The following PTPRM variants were observed in gnomAD, a reference collection of about 807,000 sequenced individuals.
The protein encoded by PTPRM is receptor-type tyrosine-protein phosphatase mu.
PTPRM carries 47 observed loss-of-function variants against 186.7 expected under a neutral mutation model. The observed-to-expected ratio is 0.25, with a 90% confidence interval of 0.20 to 0.32. The LOEUF (loss-of-function observed/expected upper bound fraction) is 0.32. Among genes scored for constraint, PTPRM ranks in the 10% least tolerant of loss-of-function variants. The probability of loss-of-function intolerance (pLI) is 1.00; values close to 1 mark genes in which losing one functional copy is unlikely to be tolerated. For missense variants in PTPRM, 1,494 were observed against 1,865.0 expected, an observed-to-expected ratio of 0.80 and a Z score of 3.66; for synonymous variants, 668 against 674.9, an observed-to-expected ratio of 0.99 and a Z score of 0.16.
At chr18:8,306,519 G>A (rs776179198) in intron 20 of PTPRM, among the ~76,000 whole-genome samples, 9 of 152,192 alleles carry the variant, frequency 5.9e-5, no homozygotes, top group Non-Finnish European at 1.3e-4. Flanking sequence ...TACAGCTCAG[G>A]TCTTCTCAAA....
chr18:7,757,699 G>A (rs944596027), intron 1 of PTPRM, among the ~76,000 whole-genome samples: 3 of 152,184 alleles, frequency 2.0e-5, no homozygotes, highest in Non-Finnish European at 2.9e-5. Context: ...ATAGAGAAGG[G>A]TGCTAGTACA....
chr18:8,233,378 G>T (rs2094309801), intron 14 of PTPRM, among the ~76,000 whole-genome samples: 1 of 152,196 alleles, frequency 6.6e-6, no homozygotes, highest in Non-Finnish European at 1.5e-5. Flanking sequence ...ATGTGTGGTG[G>T]TATCTTGTTG....
intron 19 of PTPRM, among the ~76,000 whole-genome samples, chr18:8,277,834 T>A (rs2094853693): frequency 6.6e-6 from 1 of 152,214 alleles, no homozygotes; most frequent in Non-Finnish European, 1.5e-5. Context: ...TATTTTCTGT[T>A]AACTAACGCA....
rs924336753 is a variant in PTPRM at position 7,757,304 on chromosome 18, G to C, written c.74-16845G>C. Among the ~76,000 whole-genome samples, 2 of 152,180 alleles carry C rather than the reference G, an allele frequency of 1.3e-5. 1 individual carries two copies. Among genetic ancestry groups the C allele is most frequent in the Non-Finnish European group, 2.9e-5 (2 of 68,048 alleles). On this transcript the variant is annotated intron_variant, in intron 1 of 32. Transcript: ENST00000580170. Reference sequence around the variant, plus strand: ...AACTCAAGGGTCAGGATTCTGTGTTGGGCATCTCTTACTGTGCTAAGAGTG... The same window carrying C: ...AACTCAAGGGTCAGGATTCTGTGTTCGGCATCTCTTACTGTGCTAAGAGTG...
chr18:7,774,329 T>G, intron 2 of PTPRM, 58 bp downstream of exon 2: 1 of 1,579,872 alleles, frequency 6.3e-7, no homozygotes, highest in Non-Finnish European at 8.7e-7. Context: ...TCAATCATAC[T>G]ATGTGTTCAC....
At chr18:8,023,074 C>G (rs2085330939) in intron 7 of PTPRM, among the ~76,000 whole-genome samples, 1 of 150,794 alleles carries the variant, frequency 6.6e-6, no homozygotes, top group Non-Finnish European at 1.5e-5. Context: ...AAGGTTAGCC[C>G]TCTAATATAG....
chr18:7,942,282 C>CAAA (rs201157673), intron 5 of PTPRM, among the ~76,000 whole-genome samples: 2 of 94,260 alleles, frequency 2.1e-5, no homozygotes, highest in Admixed American at 1.2e-4. Flanking sequence ...GACTCCGTCT[C>CAAA]AAAAAAAAAA....
chr18:7,948,437 A>C (rs960312223), intron 5 of PTPRM, among the ~76,000 whole-genome samples: 2 of 152,210 alleles, frequency 1.3e-5, no homozygotes, highest in African/African-American at 4.8e-5. Context: ...TTGGAAGCAT[A>C]GAATGGATTT....
At chr18:8,216,641 C>G (rs147974131) in intron 14 of PTPRM, among the ~76,000 whole-genome samples, 3 of 152,126 alleles carry the variant, frequency 2.0e-5, no homozygotes, top group African/African-American at 7.2e-5. Context: ...TTACCCCTTT[C>G]AAAAATTTTG....
chr18:7,959,820 A>G (rs1189349760), intron 7 of PTPRM, among the ~76,000 whole-genome samples: 2 of 152,222 alleles, frequency 1.3e-5, no homozygotes, highest in Non-Finnish European at 2.9e-5. Flanking sequence ...GGGTTATTGT[A>G]AAAAGTGATT....
At chr18:7,583,530 A>G (rs1395367009) in intron 1 of PTPRM, among the ~76,000 whole-genome samples, 1 of 152,216 alleles carries the variant, frequency 6.6e-6, no homozygotes, top group Non-Finnish European at 1.5e-5. Flanking sequence ...TCTCATTTTG[A>G]TGTTAAAACA....
rs563774880 is a variant in PTPRM at position 8,252,111 on chromosome 18, T to C, written c.2555-377T>C. Among the ~76,000 whole-genome samples, 10 of 152,362 alleles carry C rather than the reference T, an allele frequency of 6.6e-5. No homozygotes were observed. The South Asian group carries it at 2.1e-3, about 32-fold the overall frequency. On this transcript the variant is annotated intron_variant, in intron 17 of 32. Coordinates refer to ENST00000580170, the MANE Select transcript of PTPRM (RefSeq NM_001105244.2). ...TAGGCCTCCATTAAAATAGAGCCTC[T>C]TTAGGCTTCTTTGACCAAATTTTGA...
At chr18:8,240,592 C>A (rs1425399463) in intron 14 of PTPRM, among the ~76,000 whole-genome samples, 1 of 102,800 alleles carries the variant, frequency 9.7e-6, no homozygotes, top group Admixed American at 1.4e-4. Flanking sequence ...TTGTGGCAAC[C>A]TGCATGGAGA....
At chr18:8,311,201 C>G (rs2095265575) in intron 20 of PTPRM, among the ~76,000 whole-genome samples, 1 of 151,692 alleles carries the variant, frequency 6.6e-6, no homozygotes. Context: ...CCCAGCTACT[C>G]AGGAGGCTGA....
intron 4 of PTPRM, among the ~76,000 whole-genome samples, chr18:7,908,051 C>T (rs111627422): frequency 0.015 from 2,317 of 152,190 alleles, 60 homozygotes; most frequent in African/African-American, 0.053. Context: ...ATGGATGTGC[C>T]TACTGGTGCA....
chr18:7,638,124 TCA>T (rs1414424818), intron 1 of PTPRM, among the ~76,000 whole-genome samples: 1 of 152,162 alleles, frequency 6.6e-6, no homozygotes, highest in Non-Finnish European at 1.5e-5. Flanking sequence ...AGTTGAAGTC[TCA>T]CAGAGTATAT....
chr18:8,260,883 G>C (rs1042843604), intron 19 of PTPRM, among the ~76,000 whole-genome samples: 1 of 152,216 alleles, frequency 6.6e-6, no homozygotes, highest in Non-Finnish European at 1.5e-5. Context: ...TTGGGAGTTG[G>C]TTGGCAGAGG....
chr18:7,839,069 ACCCTTCATAG>A (rs2046200076), intron 2 of PTPRM, among the ~76,000 whole-genome samples: 1 of 151,808 alleles, frequency 6.6e-6, no homozygotes, highest in African/African-American at 2.4e-5. Flanking sequence ...TTCTGGACTC[ACCCTTCATAG>A]CAGTATGCTC....
At chr18:8,102,117 T>TA (rs1263122938) in intron 11 of PTPRM, among the ~76,000 whole-genome samples, 1 of 152,162 alleles carries the variant, frequency 6.6e-6, no homozygotes, top group Non-Finnish European at 1.5e-5. Flanking sequence ...CTACCTTAAT[T>TA]AAAAAATACA....
Sources: gnomAD v4.1 joint callset for allele counts (sites outside exome capture counted in the v4.1 genomes callset) on GRCh38, gnomAD v4.1.1 for gene constraint, MANE v1.5 for transcripts, NCBI Gene and HGNC (gene_info 2026-07-23, HGNC 2026-07-21) for gene names.